ZRANB3: variants seen among roughly 807,000 people sequenced by gnomAD.
ZRANB3 encodes DNA annealing helicase and endonuclease ZRANB3.
A neutral mutation model predicts 133.8 loss-of-function variants in ZRANB3; 125 were observed. That is an observed-to-expected ratio of 0.93 (90% confidence interval 0.81 to 1.08). ZRANB3 has a LOEUF of 1.08. Among genes scored for constraint, ZRANB3 ranks in the 50% least tolerant of loss-of-function variants. The pLI, the probability that ZRANB3 is intolerant of heterozygous loss-of-function variation, is 0.00. For synonymous variants in ZRANB3, 387 were observed against 432.7 expected, an observed-to-expected ratio of 0.89 and a Z score of 1.31; for missense variants, 1,229 against 1,275.5, an observed-to-expected ratio of 0.96 and a Z score of 0.56.
At chr2:135,238,333 G>A (rs1028695087) in intron 12 of ZRANB3, among the ~76,000 whole-genome samples, 6 of 151,692 alleles carry the variant, frequency 4.0e-5, no homozygotes, top group Non-Finnish European at 7.4e-5. Flanking sequence ...TTCCTTGAAC[G>A]TGAGTAGACC....
chr2:135,337,099 T>A (rs1227473962), intron 6 of ZRANB3, among the ~76,000 whole-genome samples: 1 of 152,184 alleles, frequency 6.6e-6, no homozygotes, highest in Non-Finnish European at 1.5e-5. Flanking sequence ...CCTGGATTGG[T>A]CAACTCTTGT....
chr2:135,357,632 A>C (rs891770829), intron 3 of ZRANB3, among the ~76,000 whole-genome samples: 11 of 152,016 alleles, frequency 7.2e-5, no homozygotes, highest in African/African-American at 2.7e-4. Context: ...GGTTGTTCTC[A>C]AACTCTTGAC....
At chr2:135,479,944 CT>C (rs373892591) in intron 2 of ZRANB3, among the ~76,000 whole-genome samples, 31 of 145,336 alleles carry the variant, frequency 2.1e-4, no homozygotes, top group East Asian at 4.0e-4. Context: ...TTCATATTTT[CT>C]TTTTTTTTTT....
chr2:135,364,888 A>T (rs1251037190), intron 3 of ZRANB3, among the ~76,000 whole-genome samples: 2 of 152,108 alleles, frequency 1.3e-5, no homozygotes, highest in African/African-American at 4.8e-5. Context: ...GTCTCTACTA[A>T]AAATACAAAA....
chr2:135,500,668 C>T (rs1380334248), intron 2 of ZRANB3, among the ~76,000 whole-genome samples: 1 of 148,686 alleles, frequency 6.7e-6, no homozygotes, highest in Non-Finnish European at 1.5e-5. Flanking sequence ...TGTTCTATTT[C>T]TCGATCTTGG....
At chr2:135,405,126 T>C (rs1414738322) in intron 2 of ZRANB3, among the ~76,000 whole-genome samples, 2 of 151,778 alleles carry the variant, frequency 1.3e-5, no homozygotes, top group East Asian at 1.9e-4. Context: ...TGGAGGAAGA[T>C]CTACCAAGCA....
chr2:135,496,406 A>C (rs1013757827), intron 2 of ZRANB3, among the ~76,000 whole-genome samples: 11 of 148,356 alleles, frequency 7.4e-5, no homozygotes, highest in East Asian at 3.9e-4. Context: ...AAAAAAAAAA[A>C]AAAAAACGAA....
At chr2:135,457,252 G>A (rs568715709) in intron 2 of ZRANB3, among the ~76,000 whole-genome samples, 38 of 152,194 alleles carry the variant, frequency 2.5e-4, no homozygotes, top group Non-Finnish European at 4.6e-4. Flanking sequence ...ATGAAAAATA[G>A]TGAAAGACCA....
In ZRANB3 at chr2:135,375,513, G is replaced by A. The variant is rs780718531; in HGVS notation, c.180+15289C>T. Among the ~76,000 whole-genome samples the A allele has an allele frequency of 8.5e-5, 13 of 152,106 alleles. No homozygotes were observed. In the East Asian group the frequency reaches 9.7e-4, roughly 11 times the overall value. On this transcript the variant is annotated intron_variant, in intron 3 of 20. Transcript: ENST00000264159. ...ATCCTGGCTAACATGGTGAAACCCC[G>A]TCTCTACTAAAAATACAAAAAACTA... is the stretch of plus-strand genomic sequence containing the variant.
At chr2:135,476,048 A>G (rs1691485801) in intron 2 of ZRANB3, among the ~76,000 whole-genome samples, 2 of 152,210 alleles carry the variant, frequency 1.3e-5, no homozygotes, top group Admixed American at 6.5e-5. Flanking sequence ...ACTGTACTCC[A>G]GCCTGGACAA....
At chr2:135,282,272 C>T (rs980705886) in intron 8 of ZRANB3, among the ~76,000 whole-genome samples, 6 of 152,178 alleles carry the variant, frequency 3.9e-5, no homozygotes, top group Admixed American at 2.6e-4. Context: ...TACTCCCCAC[C>T]TAGCTTCTGC....
intron 1 of ZRANB3, among the ~76,000 whole-genome samples, chr2:135,522,528 G>A (rs190728956): frequency 2.2e-3 from 341 of 152,256 alleles, no homozygotes; most frequent in African/African-American, 6.0e-3. Flanking sequence ...GGCCAGGCAA[G>A]GTAGCTCACG....
At chr2:135,428,321 G>A (rs2104978302) in intron 2 of ZRANB3, among the ~76,000 whole-genome samples, 1 of 150,608 alleles carries the variant, frequency 6.6e-6, no homozygotes, top group Admixed American at 6.7e-5. Context: ...GTGTGCACCT[G>A]TAGTCTCAAC....
At chr2:135,419,559 T>G (rs1688744333) in intron 2 of ZRANB3, among the ~76,000 whole-genome samples, 1 of 152,056 alleles carries the variant, frequency 6.6e-6, no homozygotes, top group Non-Finnish European at 1.5e-5. Context: ...ACAAGGGTTT[T>G]TAAGGGTAAA....
At chr2:135,416,750 C>T (rs946814875) in intron 2 of ZRANB3, among the ~76,000 whole-genome samples, 1 of 152,042 alleles carries the variant, frequency 6.6e-6, no homozygotes, top group Non-Finnish European at 1.5e-5. Flanking sequence ...GGTCCTGGTA[C>T]CAAAACAGAG....
At chr2:135,294,180 T>C (rs1225142110) in intron 8 of ZRANB3, among the ~76,000 whole-genome samples, 1 of 152,206 alleles carries the variant, frequency 6.6e-6, no homozygotes, top group East Asian at 1.9e-4. Context: ...GTACCAGCTC[T>C]TCCTTGTACC....
At chr2:135,309,360 A>G (rs1682861890) in intron 8 of ZRANB3, among the ~76,000 whole-genome samples, 1 of 152,174 alleles carries the variant, frequency 6.6e-6, no homozygotes, top group South Asian at 2.1e-4. Context: ...GTTCAGTCCT[A>G]TCATTTCTAT....
chr2:135,240,841 A>G (rs1297263107), intron 12 of ZRANB3, among the ~76,000 whole-genome samples: 1 of 152,152 alleles, frequency 6.6e-6, no homozygotes, highest in Non-Finnish European at 1.5e-5. Flanking sequence ...TGGCCCCCCA[A>G]AGTGGTGGAA....
At chr2:135,268,307 G>A (rs1005520184) in intron 11 of ZRANB3, among the ~76,000 whole-genome samples, 1 of 152,058 alleles carries the variant, frequency 6.6e-6, no homozygotes, top group African/African-American at 2.4e-5. Context: ...TGGGATTACA[G>A]GCACCTGCTA....
Sources: allele counts gnomAD v4.1 joint callset (sites outside exome capture counted in the v4.1 genomes callset), GRCh38; gene constraint gnomAD v4.1.1; transcripts MANE v1.5; gene names NCBI Gene and HGNC (gene_info 2026-07-23, HGNC 2026-07-21).